NKAIN3: variants seen among roughly 807,000 people sequenced by gnomAD.
NKAIN3 encodes the protein sodium/potassium transporting ATPase interacting 3.
NKAIN3 carries 25 observed loss-of-function variants against 30.2 expected under a neutral mutation model. The ratio of observed to expected loss-of-function variants is 0.83; its 90% CI spans 0.60 to 1.16. The LOEUF (loss-of-function observed/expected upper bound fraction) is 1.16, where lower values mean the gene tolerates loss of function less well. NKAIN3 is among the 50% of genes most tolerant of loss of function. The pLI is 0.00. For synonymous variants in NKAIN3, 91 were observed against 89.6 expected (o/e 1.02, Z -0.09); for missense variants, 225 against 254.1 (o/e 0.89, Z 0.78).
At chr8:62,677,904 A>G (rs1319584478) in intron 3 of NKAIN3, among the ~76,000 whole-genome samples, 1 of 152,182 alleles carries the variant, frequency 6.6e-6, no homozygotes, top group South Asian at 2.1e-4. Context: ...CCCCTGGTCT[A>G]GCTAGGCTGG....
At chr8:62,928,477 C>T (rs78836985) in intron 5 of NKAIN3, among the ~76,000 whole-genome samples, 1 of 152,142 alleles carries the variant, frequency 6.6e-6, no homozygotes, top group Non-Finnish European at 1.5e-5. Context: ...TTAATACCAC[C>T]TTCAGCGATA....
chr8:62,961,612 T>C (rs1305047517), intron 6 of NKAIN3, among the ~76,000 whole-genome samples: 1 of 152,136 alleles, frequency 6.6e-6, no homozygotes, highest in East Asian at 1.9e-4. Flanking sequence ...AACTAGATTA[T>C]ATTTCAAAAC....
chr8:62,570,622 G>GC (rs1025885204), intron 1 of NKAIN3, among the ~76,000 whole-genome samples: 15 of 152,052 alleles, frequency 9.9e-5, no homozygotes, highest in Non-Finnish European at 1.6e-4. Flanking sequence ...AGAAAGACTC[G>GC]CCCCCGTGAT....
chr8:62,309,919 C>T (rs1814373589), intron 1 of NKAIN3, among the ~76,000 whole-genome samples: 1 of 150,164 alleles, frequency 6.7e-6, no homozygotes, highest in African/African-American at 2.5e-5. Context: ...CTATTTCTCA[C>T]AATTCTGCTT....
At chr8:62,704,670 C>T (rs1315877927) in intron 3 of NKAIN3, among the ~76,000 whole-genome samples, 1 of 152,174 alleles carries the variant, frequency 6.6e-6, no homozygotes, top group South Asian at 2.1e-4. Flanking sequence ...AGAGAGCCTT[C>T]TAGATTTCCA....
chr8:62,335,238 C>A (rs1362449944), intron 1 of NKAIN3, among the ~76,000 whole-genome samples: 1 of 151,700 alleles, frequency 6.6e-6, no homozygotes, highest in Non-Finnish European at 1.5e-5. Flanking sequence ...CCAGCCTGGC[C>A]AAAATGGTGA....
chr8:62,564,016 A>G (rs1394398039), intron 1 of NKAIN3, among the ~76,000 whole-genome samples: 2 of 152,160 alleles, frequency 1.3e-5, no homozygotes, highest in African/African-American at 2.4e-5. Context: ...AAAGCCCACA[A>G]TTGGACTCTG....
intron 3 of NKAIN3, among the ~76,000 whole-genome samples, chr8:62,728,135 T>G (rs1247289857): frequency 6.6e-6 from 1 of 152,102 alleles, no homozygotes; most frequent in African/African-American, 2.4e-5. Context: ...GACATAGACT[T>G]CATACTCTTC....
intron 3 of NKAIN3, among the ~76,000 whole-genome samples, chr8:62,685,407 A>G (rs1813768432): frequency 6.6e-6 from 1 of 152,192 alleles, no homozygotes; most frequent in Non-Finnish European, 1.5e-5. Context: ...CTATCTGTGT[A>G]TTCCTCACAA....
chr8:62,441,304 G>A (rs959410426), intron 1 of NKAIN3, among the ~76,000 whole-genome samples: 2 of 152,040 alleles, frequency 1.3e-5, no homozygotes, highest in Non-Finnish European at 2.9e-5. Context: ...GATAAGATCA[G>A]CTGTTTTTCC....
chr8:62,574,853 A>G (rs1374859859), intron 1 of NKAIN3, among the ~76,000 whole-genome samples: 1 of 152,116 alleles, frequency 6.6e-6, no homozygotes, highest in Non-Finnish European at 1.5e-5. Flanking sequence ...TTCTTTCAAG[A>G]AGTAACTCAA....
At chr8:62,940,858 G>C (rs1822936337) in intron 5 of NKAIN3, among the ~76,000 whole-genome samples, 1 of 151,750 alleles carries the variant, frequency 6.6e-6, no homozygotes, top group East Asian at 1.9e-4. Flanking sequence ...ACCTGAAGGA[G>C]CTAGAGAAAG....
intron 3 of NKAIN3, among the ~76,000 whole-genome samples, chr8:62,633,649 G>A (rs992890067): frequency 1.3e-5 from 2 of 152,098 alleles, no homozygotes; most frequent in African/African-American, 2.4e-5. Context: ...AACCTTTTGG[G>A]AACAAAGCTG....
intron 3 of NKAIN3, among the ~76,000 whole-genome samples, chr8:62,605,314 C>T (rs1301890339): frequency 1.3e-5 from 2 of 151,970 alleles, no homozygotes; most frequent in Non-Finnish European, 2.9e-5. Context: ...AATAACTCAA[C>T]GGAGCTTTCA....
intron 4 of NKAIN3, chr8:62,862,941 A>C (rs1191002647): frequency 2.5e-6 from 1 of 407,982 alleles, no homozygotes; most frequent in Non-Finnish European, 4.6e-6. Flanking sequence ...CACAGTTTTC[A>C]GTGTTTTAAG....
chr8:62,254,726 G>A (rs916799501), intron 1 of NKAIN3, among the ~76,000 whole-genome samples: 33 of 152,068 alleles, frequency 2.2e-4, no homozygotes, highest in African/African-American at 8.0e-4. Context: ...CAGGTCTGTG[G>A]AAGCAAAGTC....
intron 3 of NKAIN3, among the ~76,000 whole-genome samples, chr8:62,741,487 T>C (rs959623299): frequency 6.6e-6 from 1 of 152,136 alleles, no homozygotes; most frequent in African/African-American, 2.4e-5. Context: ...CCATGTGGAA[T>C]GTCTTCTCCC....
At chr8:62,352,303 A>C (rs1816204870) in intron 1 of NKAIN3, among the ~76,000 whole-genome samples, 1 of 152,136 alleles carries the variant, frequency 6.6e-6, no homozygotes, top group African/African-American at 2.4e-5. Context: ...CACTCTGATC[A>C]AGATCTCCTT....
At chr8:62,676,361 G>A (rs560533639) in intron 3 of NKAIN3, among the ~76,000 whole-genome samples, 55 of 152,282 alleles carry the variant, frequency 3.6e-4, no homozygotes, top group African/African-American at 1.2e-3. Context: ...GAGGTTAGGA[G>A]GTCGAGACCA....
Sources: gnomAD v4.1 joint callset for allele counts (sites outside exome capture counted in the v4.1 genomes callset) on GRCh38, gnomAD v4.1.1 for gene constraint, MANE v1.5 for transcripts, NCBI Gene and HGNC (gene_info 2026-07-23, HGNC 2026-07-21) for gene names.